CELSR2: variants seen among roughly 807,000 people sequenced by gnomAD.
The protein encoded by CELSR2 is EGF-like protein 2.
In CELSR2, 81 loss-of-function variants were observed where a neutral mutation model predicts 251.6. The ratio of observed to expected loss-of-function variants is 0.32; its 90% CI spans 0.27 to 0.39. The LOEUF (loss-of-function observed/expected upper bound fraction) is 0.39, where lower values mean the gene tolerates loss of function less well. CELSR2 is among the 10% of genes least tolerant of loss of function. The pLI is 1.00. For synonymous variants in CELSR2, 1,721 were observed against 1,670.5 expected (o/e 1.03, Z -0.74); for missense variants, 3,365 against 3,947.7 (o/e 0.85, Z 3.96).
intron 30 of CELSR2, 35 bp from the exon 31 acceptor site, chr1:109,272,798 G>A (rs749402963): frequency 1.9e-6 from 3 of 1,612,824 alleles, no homozygotes; most frequent in Non-Finnish European, 2.5e-6. Flanking sequence ...GGTGGAGGTG[G>A]CTGGGCTGGC....
At position 109,249,750 on chromosome 1, in the gene CELSR2, A is replaced by G. The variant is rs2101226059; in HGVS notation, c.-330A>G. 6.7e-6 allele frequency among the ~76,000 whole-genome samples: 1 copy of G among 148,968 alleles called. No homozygotes were observed. Among genetic ancestry groups the G allele is most frequent in the African/African-American group, 2.4e-5 (1 of 41,010 alleles). On this transcript the variant is annotated 5_prime_UTR_variant, in exon 1 of 34. Transcript: ENST00000271332. ...GGCGGAGGGGGCACCCCGGCTCCGG[A>G]ACCCGGGGCCCGGCAAGGCCAGGGG... is the stretch of plus-strand genomic sequence containing the variant.
Position 109,274,370 on chromosome 1 carries a change from A to AT in CELSR2, c.*329dup, listed in dbSNP as rs925843448. On this transcript the variant is annotated 3_prime_UTR_variant, in exon 34 of 34. Coordinates refer to ENST00000271332, the MANE Select transcript of CELSR2 (RefSeq NM_001408.3). Reference sequence around the variant, plus strand: ...CCACTCTTCATGACTTCAGGGATTCATTTTTTTTATACGCTGGAAATTGAC... The same window carrying AT: ...CCACTCTTCATGACTTCAGGGATTCATTTTTTTTTATACGCTGGAAATTGAC... 3.2e-5 allele frequency: 14 copies of AT among 442,852 alleles called. No homozygotes were observed. The highest frequency in any genetic ancestry group is 4.4e-5 in the South Asian group (1 of 22,708). The allele number at this position is 442,852 out of a possible 1,614,324, so 27.4% of individuals were successfully genotyped here.
rs200871959 is a variant in CELSR2 at position 109,253,234 on chromosome 1, A to G, written c.3155A>G (p.His1052Arg). The G allele has an allele frequency of 7.4e-6, 12 of 1,613,500 alleles. No homozygotes were observed. The African/African-American group carries it at 1.1e-4, about 14-fold the overall frequency. ...GGTGCCATTGGCCGAGTACCTGCCCATGACCCTGATATCTCAGATAGTCTG... is the reference window on the plus strand; with the variant it reads ...GGTGCCATTGGCCGAGTACCTGCCCGTGACCCTGATATCTCAGATAGTCTG... Reference protein sequence around the residue: ...PGGAIGRVPAHDPDISDSLTY... With the variant: ...PGGAIGRVPARDPDISDSLTY... Residue 1052 changes from histidine (H) to arginine (R), a missense_variant, in exon 1 of 34, where the codon CAT (histidine) becomes CGT (arginine). His to Arg is a conservative substitution (Grantham distance 29, BLOSUM62 0). Transcript: ENST00000271332.
At chr1:109,263,819 G>T (rs1029026986) in intron 9 of CELSR2, 42 bp downstream of exon 9, 2 of 1,598,264 alleles carry the variant, frequency 1.3e-6, no homozygotes, top group Non-Finnish European at 1.7e-6. Context: ...TGGCCATAGG[G>T]CCCTGGTAGC....
At position 109,268,978 on chromosome 1, in the gene CELSR2, A is replaced by G. The variant is rs752533458; in HGVS notation, c.6601A>G (p.Thr2201Ala). ...GGAGCAGCCCCCGGACCTTGAGACAACAGTCATTCTGCCTGAGTCTGTCTT... is the reference window on the plus strand; with the variant it reads ...GGAGCAGCCCCCGGACCTTGAGACAGCAGTCATTCTGCCTGAGTCTGTCTT... The part of the protein sequence containing the change: ...RGEQPPDLET[T>A]VILPESVFRE... Residue 2201 changes from threonine (T) to alanine (A), a missense_variant, in exon 19 of 34, where the codon ACA (threonine) becomes GCA (alanine). By Grantham distance (58) the Thr-to-Ala change is moderately conservative. Coordinates refer to ENST00000271332, the MANE Select transcript of CELSR2 (RefSeq NM_001408.3). 1.9e-6 allele frequency: 3 copies of G among 1,613,326 alleles called. No individual in the cohort carries two copies. The highest frequency in any genetic ancestry group is 2.5e-6 in the Non-Finnish European group (3 of 1,179,508).
intron 25 of CELSR2, 50 bp from the exon 26 acceptor site, chr1:109,271,167 G>A (rs1051605544): frequency 1.3e-6 from 2 of 1,580,150 alleles, no homozygotes; most frequent in East Asian, 2.2e-5. Context: ...TGGGCTGGGT[G>A]GAAGCTGTTT....
intron 17 of CELSR2, 107 bp downstream of exon 17, chr1:109,268,167 A>G (rs1398142381): frequency 6.9e-7 from 1 of 1,451,860 alleles, no homozygotes. Context: ...CCCACCTACA[A>G]GGAGCTCCCT....
chr1:109,263,534 C>T (rs776282692), intron 8 of CELSR2, 77 bp from the exon 9 acceptor site: 40 of 1,557,256 alleles, frequency 2.6e-5, no homozygotes, highest in African/African-American at 4.1e-5. Context: ...CCCGTGCAGC[C>T]GCCACCGCTG....
chr1:109,252,546 A>G lies in CELSR2; in HGVS notation c.2467A>G (p.Ser823Gly), dbSNP rs1201970320. ...GTTCCTGCGAGACTCCTACCAGGGC[A>G]GTGTCTATGAGGATGTGCCACCCTT... ...PQFLRDSYQG[S>G]VYEDVPPFTS... The change falls in exon 1 of 34, where the codon AGT (serine) becomes GGT (glycine). Residue 823 changes from serine (S) to glycine (G), a missense_variant. Around this residue, in one of 5 missense-constraint regions of CELSR2, gnomAD observed 505 missense variants for 660.0 expected, o/e 0.77. Transcript: ENST00000271332. This position sits in a 1 kb window ranked among gnomAD's most constrained non-coding sequence, Gnocchi z 4.8. The G allele has an allele frequency of 6.2e-7, 1 of 1,613,910 alleles. No homozygotes were observed. Among genetic ancestry groups the G allele is most frequent in the Non-Finnish European group, 8.5e-7 (1 of 1,180,030 alleles).
intron 15 of CELSR2, 150 bp from the exon 16 acceptor site, chr1:109,267,398 A>G (rs1570789596): frequency 1.5e-6 from 1 of 655,166 alleles, no homozygotes. Context: ...GGTGTTCTAC[A>G]TACCTGTCTT....
In CELSR2 at chr1:109,261,533, A is replaced by G. The variant is rs1440306187; in HGVS notation, c.4202A>G (p.Asp1401Gly). The G allele has an allele frequency of 6.2e-7, 1 of 1,614,168 alleles. No homozygotes were observed. The highest frequency in any genetic ancestry group is 1.7e-5 in the Admixed American group (1 of 60,026). The change falls in exon 4 of 34, where the codon GAC becomes GGC. Residue 1401 changes from aspartate (D) to glycine (G), a missense_variant. Around this residue, in one of 5 missense-constraint regions of CELSR2, gnomAD observed 2,093 missense variants for 2,382.8 expected, o/e 0.88. Transcript: ENST00000271332. The surrounding 1 kb of genome is among the most constrained non-coding windows in gnomAD (Gnocchi z 4.8). ...TTCAGGTTTGCCACAAAGGAGCGCG[A>G]CGGGTTGCTGTTGTACAATGGGCGT... is the stretch of plus-strand genomic sequence containing the variant. ...LALSFATKERDGLLLYNGRFN... is the reference protein window; with the variant it reads ...LALSFATKERGGLLLYNGRFN...
Position 109,272,629 on chromosome 1 carries a change from C to T in CELSR2, c.8055-11C>T, listed in dbSNP as rs747428389. ...CAGGCTGACCCCTCCAGCATGGTCT[C>T]ATCTTCCTAGGGAGGAGTCCGCACT... On this transcript the variant is annotated splice_polypyrimidine_tract_variant and intron_variant, in intron 29 of 33. Coordinates refer to ENST00000271332, the MANE Select transcript of CELSR2 (RefSeq NM_001408.3). The T allele has an allele frequency of 1.6e-5, 25 of 1,611,350 alleles. No individual in the cohort carries two copies. Among genetic ancestry groups the T allele is most frequent in the Admixed American group, 5.0e-5 (3 of 59,968 alleles).
At chr1:109,266,048 TG>T in intron 14 of CELSR2, 56 bp from the exon 15 acceptor site, 1 of 1,600,050 alleles carries the variant, frequency 6.2e-7, no homozygotes, top group Non-Finnish European at 8.5e-7. Flanking sequence ...CTGGGGAGCC[TG>T]GGCAGGACAG....
intron 5 of CELSR2, 49 bp from the exon 6 acceptor site, chr1:109,262,238 G>A: frequency 6.3e-7 from 1 of 1,598,212 alleles, no homozygotes; most frequent in Non-Finnish European, 8.5e-7. Flanking sequence ...CATGAACCTA[G>A]TGGGCTCTGT....
rs770117273 is a variant in CELSR2 at position 109,264,351 on chromosome 1, C to T, written c.5275C>T (p.Arg1759Trp). 1.7e-5 allele frequency: 27 copies of T among 1,607,998 alleles called. No individual in the cohort carries two copies. In the Admixed American group the frequency reaches 1.8e-4, roughly 11 times the overall value. Residue 1759 changes from arginine to tryptophan, a missense_variant, in exon 10 of 34, where the codon CGG becomes TGG. Arg to Trp is a moderately radical substitution (Grantham distance 101). Transcript: ENST00000271332. ...AGCCGGCGGTGTGGCCCGTGGCTTT[C>T]GGGGCTGTTTGCAGGTGAGTGTCCT... is the stretch of plus-strand genomic sequence containing the variant. Reference protein sequence around the residue: ...GPAGGVARGFRGCLQGVRVSD... With the variant: ...GPAGGVARGFWGCLQGVRVSD...
rs374112575 is a variant in CELSR2, at chr1:109,273,426, C to T, written c.8510-10C>T. 2.0e-5 allele frequency: 32 copies of T among 1,609,946 alleles called. No individual in the cohort carries two copies. The highest frequency in any genetic ancestry group is 2.4e-5 in the Non-Finnish European group (28 of 1,178,292). ...GTGGCCGCACCTCACAGCCCCGCCC[C>T]GGCCCACAGGCATCCTTAAGAAGAA... On this transcript the variant is annotated splice_polypyrimidine_tract_variant and intron_variant, in intron 32 of 33. Transcript: ENST00000271332.
In CELSR2 at chr1:109,250,091, G is replaced by A. The variant is rs780511035; in HGVS notation, c.12G>A (p.Pro4=). Residue 4 remains proline (P), a synonymous_variant, in exon 1 of 34, where the codon CCG becomes CCA. Transcript: ENST00000271332. This position sits in a 1 kb window ranked among gnomAD's most constrained non-coding sequence, Gnocchi z 4.4. MRS[P]ATGVPLPTPP... is the part of the protein sequence containing the mutation. ...GGGAGCTGGGAGAGATGCGGAGCCC[G>A]GCCACCGGCGTCCCCCTCCCAACGC... The A allele has an allele frequency of 6.6e-7, 1 of 1,515,744 alleles. No individual in the cohort carries two copies. Among genetic ancestry groups the A allele is most frequent in the Non-Finnish European group, 8.8e-7 (1 of 1,139,490 alleles). 93.9% of individuals were successfully genotyped at this position (1,515,744 alleles called of 1,614,324 possible).
intron 2 of CELSR2, 61 bp from the exon 3 acceptor site, chr1:109,260,981 G>A: frequency 3.8e-6 from 5 of 1,320,390 alleles, no homozygotes; most frequent in South Asian, 2.6e-5. Flanking sequence ...GGTTGTGGGG[G>A]GTCTCAGTTC....
chr1:109,271,502 A>G lies in CELSR2; in HGVS notation c.7793A>G (p.Asn2598Ser), dbSNP rs751024256. The part of the protein sequence containing the change: ...LLFHYLFATC[N>S]CIQGPFIFLS... ...TTCCACTACCTCTTTGCTACCTGCA[A>G]TTGCATCCAGGTACCTGGCCCAGCC... The change falls in exon 27 of 34, where the codon AAT becomes AGT. Residue 2598 changes from asparagine to serine, a missense_variant. This residue lies in a region of CELSR2 where 2,093 missense variants were observed against 2,382.8 expected (regional missense o/e 0.88). Coordinates refer to ENST00000271332, the MANE Select transcript of CELSR2 (RefSeq NM_001408.3). 9 of 1,613,996 alleles carry G rather than the reference A, an allele frequency of 5.6e-6. No homozygotes were observed. The highest frequency in any genetic ancestry group is 2.2e-5 in the South Asian group (2 of 91,088).
Sources: gnomAD v4.1 joint callset for allele counts (sites outside exome capture counted in the v4.1 genomes callset) on GRCh38, gnomAD v4.1.1 for gene constraint, gnomAD v4.1.1 regional missense constraint, Gnocchi (gnomAD v3.1) non-coding constraint, MANE v1.5 for transcripts, NCBI Gene and HGNC (gene_info 2026-07-23, HGNC 2026-07-21) for gene names.